NWD2: variants seen among roughly 807,000 people sequenced by gnomAD.
The protein encoded by NWD2 is NACHT and WD repeat domain-containing protein 2.
A neutral mutation model predicts 132.7 loss-of-function variants in NWD2; 37 were observed. That is an observed-to-expected ratio of 0.28 (90% CI 0.21 to 0.37). NWD2 has a LOEUF of 0.37. Among genes scored for constraint, NWD2 ranks in the 10% least tolerant of loss-of-function variants. The pLI is 1.00. For missense variants in NWD2, 1,592 were observed against 2,122.4 expected (o/e 0.75, Z 4.91); for synonymous variants, 705 against 803.0 (o/e 0.88, Z 2.06).
chr4:37,323,027 G>T (rs191682405), intron 1 of NWD2, among the ~76,000 whole-genome samples: 1 of 147,586 alleles, frequency 6.8e-6, no homozygotes, highest in Non-Finnish European at 1.5e-5. Flanking sequence ...TCAATTCTGG[G>T]TTTTCTAATT....
At chr4:37,334,063 G>GA (rs1719348992) in intron 2 of NWD2, among the ~76,000 whole-genome samples, 1 of 152,052 alleles carries the variant, frequency 6.6e-6, no homozygotes, top group African/African-American at 2.4e-5. Context: ...ACGAGAGCTA[G>GA]AAAATAGCCT....
intron 1 of NWD2, among the ~76,000 whole-genome samples, chr4:37,248,128 C>T (rs955557809): frequency 5.9e-5 from 9 of 152,076 alleles, no homozygotes; most frequent in African/African-American, 1.9e-4. Flanking sequence ...CCTGACAACA[C>T]TTGATATTCT....
chr4:37,264,032 A>G (rs943623553), intron 1 of NWD2, among the ~76,000 whole-genome samples: 17 of 152,166 alleles, frequency 1.1e-4, no homozygotes, highest in Non-Finnish European at 2.1e-4. Context: ...GAGAGGGACA[A>G]CAAGGTAGTT....
intron 1 of NWD2, among the ~76,000 whole-genome samples, chr4:37,252,847 T>A (rs764680692): frequency 6.6e-6 from 1 of 152,186 alleles, no homozygotes; most frequent in African/African-American, 2.4e-5. Flanking sequence ...AGTCCCAGAA[T>A]GTTTATTTTG....
intron 3 of NWD2, among the ~76,000 whole-genome samples, chr4:37,383,310 G>T (rs1413321158): frequency 6.6e-6 from 1 of 152,146 alleles, no homozygotes; most frequent in Non-Finnish European, 1.5e-5. Flanking sequence ...GATTTTCTAA[G>T]ATATCTCTTT....
chr4:37,286,139 G>T (rs1459103717), intron 1 of NWD2, among the ~76,000 whole-genome samples: 1 of 152,204 alleles, frequency 6.6e-6, no homozygotes, highest in Non-Finnish European at 1.5e-5. Context: ...TTTTCAAATA[G>T]ACTTTTATTG....
At position 37,260,649 on chromosome 4, in the gene NWD2, C is replaced by T. The variant is rs115960205; in HGVS notation, c.151+15431C>T. ...ATACAACAAAGTTTGTGAGGAATAG[C>T]TCCAGGATTTAGAAATACCTTCCCC... On this transcript the variant is annotated intron_variant, in intron 1 of 6. Coordinates refer to ENST00000309447, the MANE Select transcript of NWD2 (RefSeq NM_001144990.2). 3.2e-3 allele frequency among the ~76,000 whole-genome samples: 493 copies of T among 152,270 alleles called. 4 individuals are homozygous for T. The highest frequency in any genetic ancestry group is 0.011 in the African/African-American group (457 of 41,564).
Position 37,443,948 on chromosome 4 carries a change from G to A in NWD2, c.1960G>A (p.Gly654Ser). 6.4e-7 allele frequency: 1 copy of A among 1,552,308 alleles called. No homozygotes were observed. The highest frequency in any genetic ancestry group is 8.7e-7 in the Non-Finnish European group (1 of 1,147,128). Reference protein sequence around the residue: ...QLFWSLEKKCGQKLVSRALGY... With the variant: ...QLFWSLEKKCSQKLVSRALGY... ...ATTCTGGTCCTTGGAGAAGAAGTGT[G>A]GTCAGAAACTGGTCTCTAGGGCTCT... Residue 654 changes from glycine to serine, a missense_variant, in exon 7 of 7, where the codon GGT becomes AGT. Transcript: ENST00000309447. This position sits in a 1 kb window ranked among gnomAD's most constrained non-coding sequence, Gnocchi z 4.1.
intron 3 of NWD2, among the ~76,000 whole-genome samples, chr4:37,393,747 C>T (rs1301820088): frequency 6.6e-6 from 1 of 152,198 alleles, no homozygotes; most frequent in Non-Finnish European, 1.5e-5. Context: ...TGATGTAACA[C>T]GGACTTCTGC....
At chr4:37,252,865 C>T (rs142088806) in intron 1 of NWD2, among the ~76,000 whole-genome samples, 148 of 152,298 alleles carry the variant, frequency 9.7e-4, no homozygotes, top group Non-Finnish European at 1.7e-3. Context: ...TTGCTGCATT[C>T]TGTCATCAGT....
At chr4:37,370,832 C>T (rs1577681983) in intron 3 of NWD2, among the ~76,000 whole-genome samples, 5 of 152,192 alleles carry the variant, frequency 3.3e-5, no homozygotes, top group Admixed American at 3.3e-4. Flanking sequence ...TTAATTTTGC[C>T]TCATTTTGTT....
intron 3 of NWD2, among the ~76,000 whole-genome samples, chr4:37,366,367 C>T (rs1219908941): frequency 6.6e-6 from 1 of 151,992 alleles, no homozygotes; most frequent in African/African-American, 2.4e-5. Context: ...CTCCCATTGC[C>T]CTATCAGTCT....
chr4:37,263,163 TCC>T (rs1221219780), intron 1 of NWD2, among the ~76,000 whole-genome samples: 3 of 152,110 alleles, frequency 2.0e-5, no homozygotes, highest in African/African-American at 7.2e-5. Context: ...GCTGCTGAGA[TCC>T]CAGAGTATTT....
chr4:37,370,165 G>A (rs975582620), intron 3 of NWD2, among the ~76,000 whole-genome samples: 22 of 152,090 alleles, frequency 1.4e-4, no homozygotes, highest in South Asian at 4.1e-4. Flanking sequence ...TCTTGTTTAC[G>A]CATGATATCT....
chr4:37,402,885 G>T (rs536878095), intron 3 of NWD2, among the ~76,000 whole-genome samples: 80 of 152,280 alleles, frequency 5.3e-4, no homozygotes, highest in Non-Finnish European at 9.1e-4. Flanking sequence ...TATATAAAAT[G>T]TACTAGTTTT....
intron 2 of NWD2, among the ~76,000 whole-genome samples, chr4:37,348,591 T>C (rs1719688214): frequency 8.1e-6 from 1 of 123,448 alleles, no homozygotes; most frequent in Middle Eastern, 3.7e-3. Context: ...CTTTTTTTTT[T>C]TTTTTTTTTT....
Position 37,443,744 on chromosome 4 carries a change from C to G in NWD2, c.1756C>G (p.Leu586Val), listed in dbSNP as rs770114629. 3.2e-6 allele frequency: 5 copies of G among 1,551,808 alleles called. No homozygotes were observed. The African/African-American group carries it at 6.8e-5, about 21-fold the overall frequency. The change falls in exon 7 of 7, where the codon CTG (leucine) becomes GTG (valine). Residue 586 changes from leucine to valine, a missense_variant. Leu to Val is a conservative substitution (Grantham distance 32, BLOSUM62 1). Coordinates refer to ENST00000309447, the MANE Select transcript of NWD2 (RefSeq NM_001144990.2). This position sits in a 1 kb window ranked among gnomAD's most constrained non-coding sequence, Gnocchi z 4.1. Reference sequence around the variant, plus strand: ...CAGCCAGGTCCTCAAACACCAGCTGCTGCGCGTCAAAAGGAAGGTCACATC... The same window carrying G: ...CAGCCAGGTCCTCAAACACCAGCTGGTGCGCGTCAAAAGGAAGGTCACATC... ...MCSQVLKHQL[L>V]RVKRKVTSGQ...
At chr4:37,274,318 C>G (rs2109264894) in intron 1 of NWD2, among the ~76,000 whole-genome samples, 1 of 152,274 alleles carries the variant, frequency 6.6e-6, no homozygotes, top group East Asian at 1.9e-4. Context: ...CGCAAATAAA[C>G]TAGAAGATTT....
intron 3 of NWD2, among the ~76,000 whole-genome samples, chr4:37,359,384 A>AC (rs1719933402): frequency 6.6e-6 from 1 of 152,068 alleles, no homozygotes; most frequent in Non-Finnish European, 1.5e-5. Flanking sequence ...CAGCTTATAG[A>AC]AAAAGAAAAA....
Sources: allele counts gnomAD v4.1 joint callset (sites outside exome capture counted in the v4.1 genomes callset), GRCh38; gene constraint gnomAD v4.1.1; non-coding constraint Gnocchi (gnomAD v3.1); transcripts MANE v1.5; gene names NCBI Gene and HGNC (gene_info 2026-07-23, HGNC 2026-07-21).